The following IGF1 variants were observed in gnomAD, a reference collection of about 807,000 sequenced individuals.
IGF1 encodes the protein insulin-like growth factor 1.
A neutral mutation model predicts 13.8 loss-of-function variants in IGF1; 4 were observed. That is an observed-to-expected ratio of 0.29 (90% confidence interval 0.14 to 0.66). The LOEUF is 0.66. Among genes scored for constraint, IGF1 ranks in the 30% least tolerant of loss-of-function variants. The probability of loss-of-function intolerance (pLI) is 0.78; values close to 1 mark genes in which losing one functional copy is unlikely to be tolerated. For synonymous variants in IGF1, 76 were observed against 72.6 expected, an observed-to-expected ratio of 1.05 and a Z score of -0.23; for missense variants, 124 against 188.5, an observed-to-expected ratio of 0.66 and a Z score of 2.00.
At chr12:102,441,757 G>A (rs1267786054) in intron 2 of IGF1, among the ~76,000 whole-genome samples, 3 of 152,106 alleles carry the variant, frequency 2.0e-5, no homozygotes, top group Admixed American at 2.0e-4. Flanking sequence ...AATCCTATGA[G>A]ATGGACACTG....
intron 2 of IGF1, among the ~76,000 whole-genome samples, chr12:102,451,310 A>G (rs183551720): frequency 7.2e-5 from 11 of 152,320 alleles, no homozygotes; most frequent in African/African-American, 2.4e-4. Context: ...TAATTTCAGT[A>G]TATCTCAAAC....
At chr12:102,440,685 A>G (rs1877641781) in intron 2 of IGF1, among the ~76,000 whole-genome samples, 2 of 152,178 alleles carry the variant, frequency 1.3e-5, no homozygotes, top group South Asian at 4.2e-4. Context: ...GAGAGCAGAA[A>G]TTCTAACAGT....
chr12:102,432,764 T>A (rs773238414), intron 2 of IGF1, among the ~76,000 whole-genome samples: 5 of 152,114 alleles, frequency 3.3e-5, no homozygotes, highest in Admixed American at 2.6e-4. Context: ...TCTCTCAACT[T>A]TGAAAATCAC....
intron 3 of IGF1, among the ~76,000 whole-genome samples, chr12:102,416,032 A>G (rs1875109481): frequency 6.6e-6 from 1 of 152,168 alleles, no homozygotes; most frequent in Non-Finnish European, 1.5e-5. Context: ...AGCCGTGAAC[A>G]TGTCCATCAT....
At chr12:102,447,297 G>T (rs146448961) in intron 2 of IGF1, among the ~76,000 whole-genome samples, 1 of 152,086 alleles carries the variant, frequency 6.6e-6, no homozygotes, top group Non-Finnish European at 1.5e-5. Context: ...TTTCTGTCTC[G>T]TTGATCTGCC....
intron 2 of IGF1, among the ~76,000 whole-genome samples, chr12:102,440,715 T>C (rs980399023): frequency 6.6e-6 from 1 of 152,184 alleles, no homozygotes; most frequent in Non-Finnish European, 1.5e-5. Flanking sequence ...GGCAGCATTA[T>C]TCAACTTGAG....
chr12:102,411,102 A>G (rs1241334675), intron 3 of IGF1, among the ~76,000 whole-genome samples: 1 of 152,260 alleles, frequency 6.6e-6, no homozygotes, highest in Non-Finnish European at 1.5e-5. Flanking sequence ...ATTATTTATA[A>G]AGAGACAAAT....
rs1279429896 is a variant in IGF1, at chr12:102,397,015, A to G, written c.*5492T>C. 3 of 390,594 alleles carry G rather than the reference A, an allele frequency of 7.7e-6. No individual in the cohort carries two copies. Among genetic ancestry groups the G allele is most frequent in the Non-Finnish European group, 1.4e-5 (3 of 221,510 alleles). 24.2% of individuals were successfully genotyped at this position (390,594 alleles called of 1,614,324 possible). A position where few individuals can be genotyped will look rare whatever the true frequency, so the allele number is the denominator to read the frequency against. ...CAGGAGTTTGAGACCAACCTGGCCA[A>G]CATGGTAAAACCCCGTCTCTATTAA... On this transcript the variant is annotated 3_prime_UTR_variant, in exon 4 of 4. Coordinates refer to ENST00000337514, the MANE Select transcript of IGF1 (RefSeq NM_000618.5).
chr12:102,417,793 T>C (rs745847526), intron 3 of IGF1: 18 of 1,613,460 alleles, frequency 1.1e-5, no homozygotes, highest in Non-Finnish European at 1.4e-5. Flanking sequence ...CATCCTTGCC[T>C]CTGTCTGTTT....
Position 102,401,679 on chromosome 12 carries a change from G to A in IGF1, c.*828C>T, listed in dbSNP as rs1873692629. 2 of 152,562 alleles carry A rather than the reference G, an allele frequency of 1.3e-5. No individual in the cohort carries two copies. The highest frequency in any genetic ancestry group is 2.9e-5 in the Non-Finnish European group (2 of 68,026). The allele number at this position is 152,562 out of a possible 1,614,324, so 9.5% of individuals were successfully genotyped here. ...AATTGATATGCTAAATTTACATAGT[G>A]CTCTATATGGAAAAAATAAAAAGAG... On this transcript the variant is annotated 3_prime_UTR_variant, in exon 4 of 4. Transcript: ENST00000337514.
chr12:102,438,809 ACT>A (rs1427924367), intron 2 of IGF1, among the ~76,000 whole-genome samples: 7 of 152,108 alleles, frequency 4.6e-5, no homozygotes, highest in African/African-American at 9.6e-5. Context: ...GAATAACATA[ACT>A]CTGCTAAACT....
chr12:102,411,426 C>A (rs1170035592), intron 3 of IGF1, among the ~76,000 whole-genome samples: 1 of 152,164 alleles, frequency 6.6e-6, no homozygotes, highest in African/African-American at 2.4e-5. Context: ...GATGGCAGGG[C>A]TAGTTGGTCC....
intron 3 of IGF1, among the ~76,000 whole-genome samples, chr12:102,404,752 TTTTTTTTGTTG>T (rs1173812708): frequency 9.3e-6 from 1 of 108,000 alleles, no homozygotes; most frequent in Non-Finnish European, 1.8e-5. Context: ...TGTGTTTTGT[TTTTTTTTGTTG>T]TTTTTTTTTT....
At chr12:102,427,457 G>T (rs1410143008) in intron 2 of IGF1, among the ~76,000 whole-genome samples, 1 of 152,160 alleles carries the variant, frequency 6.6e-6, no homozygotes, top group South Asian at 2.1e-4. Context: ...TTTATTTTTA[G>T]TTTCTCTCTA....
At chr12:102,435,057 A>G (rs1477584678) in intron 2 of IGF1, among the ~76,000 whole-genome samples, 1 of 152,238 alleles carries the variant, frequency 6.6e-6, no homozygotes, top group Non-Finnish European at 1.5e-5. Flanking sequence ...ATACAGTATA[A>G]CAGGTGTTTA....
At chr12:102,408,268 C>T (rs1373595526) in intron 3 of IGF1, among the ~76,000 whole-genome samples, 1 of 152,050 alleles carries the variant, frequency 6.6e-6, no homozygotes, top group Non-Finnish European at 1.5e-5. Flanking sequence ...GGCCTGGGGA[C>T]ATGTGAAATG....
Position 102,480,446 on chromosome 12 carries a change from CAG to C in IGF1, c.-67_-66del, listed in dbSNP as rs113422451. Reference sequence around the variant, plus strand: ...AGGAATAATGAAGCAAAAAGAAATCCAGAGAGATGGGAGATGTTGAGAGCAAT... The same window carrying C: ...AGGAATAATGAAGCAAAAAGAAATCCAGAGATGGGAGATGTTGAGAGCAAT... On this transcript the variant is annotated 5_prime_UTR_variant, in exon 1 of 4. Transcript: ENST00000337514. 6.5e-4 allele frequency: 1,039 copies of C among 1,609,964 alleles called. 6 individuals carry two copies. The African/African-American group carries it at 0.012, about 19-fold the overall frequency.
At chr12:102,466,796 G>A (rs1162662004) in intron 2 of IGF1, among the ~76,000 whole-genome samples, 1 of 152,106 alleles carries the variant, frequency 6.6e-6, no homozygotes, top group African/African-American at 2.4e-5. Flanking sequence ...CCAGCTACTG[G>A]GGAGGCTGAG....
chr12:102,421,312 G>A (rs1460968290), intron 2 of IGF1, among the ~76,000 whole-genome samples: 2 of 152,170 alleles, frequency 1.3e-5, no homozygotes, highest in Non-Finnish European at 2.9e-5. Context: ...GACCTGGCAA[G>A]CCATGTCTCA....
Sources: allele counts gnomAD v4.1 joint callset (sites outside exome capture counted in the v4.1 genomes callset), GRCh38; gene constraint gnomAD v4.1.1; transcripts MANE v1.5; gene names NCBI Gene and HGNC (gene_info 2026-07-23, HGNC 2026-07-21).